Variants in CNTNAP2 observed in about 807,000 individuals in gnomAD.
CNTNAP2 encodes the protein contactin-associated protein-like 2.
CNTNAP2 carries 98 observed loss-of-function variants against 155.2 expected under a neutral mutation model. That is an observed-to-expected ratio of 0.63 (90% CI 0.54 to 0.75). CNTNAP2 has a LOEUF of 0.75. Ranked by LOEUF, CNTNAP2 falls within the 30% of genes least tolerant of loss-of-function variation. CNTNAP2 has a pLI of 0.00. For missense variants in CNTNAP2, 1,727 were observed against 1,688.1 expected (o/e 1.02, Z -0.40); for synonymous variants, 651 against 631.2 (o/e 1.03, Z -0.47).
At chr7:148,089,216 T>C (rs1023249323) in intron 15 of CNTNAP2, among the ~76,000 whole-genome samples, 1 of 151,880 alleles carries the variant, frequency 6.6e-6, no homozygotes, top group Admixed American at 6.6e-5. Flanking sequence ...TTGAGAAAAG[T>C]TGAAAGCTCT....
At chr7:146,337,685 G>T (rs1307826209) in intron 1 of CNTNAP2, among the ~76,000 whole-genome samples, 1 of 152,076 alleles carries the variant, frequency 6.6e-6, no homozygotes, top group South Asian at 2.1e-4. Flanking sequence ...GCCCAGGCTG[G>T]TCTCAAACTC....
rs1257814514 is a variant in CNTNAP2, at chr7:146,983,309, C to T, written c.403-60598C>T. ...GATTAGCTCTGAAATTTTATTTACC[C>T]TCTTACCTAGAGGAAGAGTGCCAGT... On this transcript the variant is annotated intron_variant, in intron 3 of 23. Coordinates refer to ENST00000361727, the MANE Select transcript of CNTNAP2 (RefSeq NM_014141.6). Among the ~76,000 whole-genome samples the T allele has an allele frequency of 5.3e-5, 8 of 152,098 alleles. No homozygotes were observed. The South Asian group carries it at 1.7e-3, about 32-fold the overall frequency.
chr7:147,609,254 G>A (rs945188847), intron 12 of CNTNAP2, among the ~76,000 whole-genome samples: 14 of 152,242 alleles, frequency 9.2e-5, no homozygotes, highest in Admixed American at 5.9e-4. Flanking sequence ...GTGGTGGGCC[G>A]GGCGCGGTGG....
intron 3 of CNTNAP2, among the ~76,000 whole-genome samples, chr7:146,934,489 C>A (rs1796867816): frequency 6.6e-6 from 1 of 151,378 alleles, no homozygotes; most frequent in South Asian, 2.1e-4. Flanking sequence ...AGGAGATATA[C>A]CTAATGCTAA....
chr7:147,408,317 A>G (rs998505503), intron 10 of CNTNAP2, among the ~76,000 whole-genome samples: 6 of 152,218 alleles, frequency 3.9e-5, no homozygotes, highest in African/African-American at 1.4e-4. Context: ...GGCACATGCT[A>G]TAGGCATTCC....
intron 2 of CNTNAP2, among the ~76,000 whole-genome samples, chr7:146,816,920 T>C (rs1037186080): frequency 6.6e-6 from 1 of 152,174 alleles, no homozygotes; most frequent in Non-Finnish European, 1.5e-5. Flanking sequence ...GAGGAAAATA[T>C]CATAGATAAT....
rs990206171 is a variant in CNTNAP2 at position 147,011,177 on chromosome 7, G to T, written c.403-32730G>T. ...ACCTGTACTCCCTGCCCTTTGGGAGGCTGAGGCAGGTGGATCACCTGAGGT... is the reference window on the plus strand; with the variant it reads ...ACCTGTACTCCCTGCCCTTTGGGAGTCTGAGGCAGGTGGATCACCTGAGGT... On this transcript the variant is annotated intron_variant, in intron 3 of 23. Transcript: ENST00000361727. 7.2e-5 allele frequency among the ~76,000 whole-genome samples: 11 copies of T among 152,066 alleles called. No homozygotes were observed. The South Asian group carries it at 2.3e-3, about 32-fold the overall frequency.
At chr7:148,167,337 C>T (rs987688798) in intron 17 of CNTNAP2, among the ~76,000 whole-genome samples, 2 of 152,098 alleles carry the variant, frequency 1.3e-5, no homozygotes, top group African/African-American at 4.8e-5. Flanking sequence ...AGGGATTTCA[C>T]CATGCTGGCC....
intron 8 of CNTNAP2, among the ~76,000 whole-genome samples, chr7:147,267,759 C>T (rs1804647205): frequency 6.6e-6 from 1 of 152,174 alleles, no homozygotes; most frequent in Non-Finnish European, 1.5e-5. Context: ...ATAGTACTCT[C>T]ATAAAACTGA....
intron 3 of CNTNAP2, among the ~76,000 whole-genome samples, chr7:146,860,798 T>C (rs1172907244): frequency 6.6e-6 from 1 of 152,136 alleles, no homozygotes; most frequent in Non-Finnish European, 1.5e-5. Flanking sequence ...TCCAAGCTGT[T>C]AAAATATGTA....
chr7:146,875,972 A>AAC (rs1795420479), intron 3 of CNTNAP2, among the ~76,000 whole-genome samples: 1 of 150,962 alleles, frequency 6.6e-6, no homozygotes, highest in African/African-American at 2.4e-5. Context: ...CAAAAAACAA[A>AAC]AAAACGAGAA....
intron 1 of CNTNAP2, among the ~76,000 whole-genome samples, chr7:146,181,377 G>T (rs1202940720): frequency 6.6e-6 from 1 of 152,004 alleles, no homozygotes; most frequent in Non-Finnish European, 1.5e-5. Flanking sequence ...CAGAAAAAAA[G>T]TTCTAGATGT....
chr7:146,424,008 A>G (rs1284195459), intron 1 of CNTNAP2, among the ~76,000 whole-genome samples: 2 of 152,106 alleles, frequency 1.3e-5, no homozygotes, highest in Non-Finnish European at 2.9e-5. Flanking sequence ...ATGAGATAAT[A>G]TGTCTGAATC....
chr7:146,769,332 G>T (rs149251972), intron 1 of CNTNAP2, among the ~76,000 whole-genome samples: 49 of 152,206 alleles, frequency 3.2e-4, no homozygotes, highest in African/African-American at 1.2e-3. Flanking sequence ...TTTCTCCAGG[G>T]ATTTGACTGA....
intron 1 of CNTNAP2, among the ~76,000 whole-genome samples, chr7:146,707,063 G>A (rs185522029): frequency 5.9e-5 from 9 of 152,202 alleles, no homozygotes; most frequent in Admixed American, 2.6e-4. Context: ...TCTGCAATTC[G>A]AATGTATTTA....
At chr7:147,721,980 A>G (rs1796573722) in intron 13 of CNTNAP2, among the ~76,000 whole-genome samples, 1 of 152,184 alleles carries the variant, frequency 6.6e-6, no homozygotes, top group Non-Finnish European at 1.5e-5. Context: ...TGGATGGGGC[A>G]TGCCCTTCTG....
At chr7:148,069,657 G>A (rs1410150235) in intron 15 of CNTNAP2, among the ~76,000 whole-genome samples, 2 of 151,822 alleles carry the variant, frequency 1.3e-5, no homozygotes, top group Non-Finnish European at 2.9e-5. Flanking sequence ...CTACTCGGGA[G>A]GCTGAGACAG....
At chr7:146,306,781 T>A (rs1317307179) in intron 1 of CNTNAP2, among the ~76,000 whole-genome samples, 1 of 152,110 alleles carries the variant, frequency 6.6e-6, no homozygotes, top group Non-Finnish European at 1.5e-5. Context: ...AAATGCAACA[T>A]CCCTTCATGC....
chr7:147,286,278 A>G (rs1453134175), intron 8 of CNTNAP2, among the ~76,000 whole-genome samples: 1 of 152,104 alleles, frequency 6.6e-6, no homozygotes, highest in Non-Finnish European at 1.5e-5. Context: ...AAAATAACTT[A>G]GTCAATTTAG....
Sources: allele counts gnomAD v4.1 joint callset (sites outside exome capture counted in the v4.1 genomes callset), GRCh38; gene constraint gnomAD v4.1.1; transcripts MANE v1.5; gene names NCBI Gene and HGNC (gene_info 2026-07-23, HGNC 2026-07-21).